The following CHST6 variants were observed in gnomAD, a reference collection of about 807,000 sequenced individuals.
The protein encoded by CHST6 is N-acetylglucosamine 6-O-sulfotransferase 5.
For missense variants in CHST6, 698 were observed against 586.2 expected, an observed-to-expected ratio of 1.19 and a Z score of -1.97; for synonymous variants, 309 against 276.4, an observed-to-expected ratio of 1.12 and a Z score of -1.17.
chr16:75,491,834 A>T (rs866410699), intron 1 of CHST6, among the ~76,000 whole-genome samples: 1 of 152,190 alleles, frequency 6.6e-6, no homozygotes, highest in Non-Finnish European at 1.5e-5. Context: ...CTGCAAAACC[A>T]TCTCCCAGCT....
rs4888432 is a variant in CHST6 at position 75,477,075 on chromosome 16, A to C, written c.*1566T>G. On this transcript the variant is annotated 3_prime_UTR_variant, in exon 3 of 3. Coordinates refer to ENST00000332272, the MANE Select transcript of CHST6 (RefSeq NM_021615.5). Reference sequence around the variant, plus strand: ...CCCACTCTTAAGGTATTTTGTTATAACCACCTGAACAAGAACAAAGACATT... The same window carrying C: ...CCCACTCTTAAGGTATTTTGTTATACCCACCTGAACAAGAACAAAGACATT... 77,803 of 151,952 alleles carry C rather than the reference A, an allele frequency of 0.51. 20,457 individuals are homozygous for C. Among genetic ancestry groups the C allele is most frequent in the Admixed American group, 0.64 (9,759 of 15,278 alleles). The allele number at this position is 151,952 out of a possible 1,614,324, so 9.4% of individuals were successfully genotyped here.
chr16:75,488,697 A>G lies in CHST6; in HGVS notation c.-92+6243T>C, dbSNP rs560113464. On this transcript the variant is annotated intron_variant, in intron 1 of 2. Transcript: ENST00000332272. ...CATAAAGCAGGGAACATAAAACATA[A>G]AACAGGCCAGGTGCGGTGGCTCATG... 4.6e-5 allele frequency among the ~76,000 whole-genome samples: 7 copies of G among 152,000 alleles called. 1 individual carries two copies. Among genetic ancestry groups the G allele is most frequent in the African/African-American group, 1.4e-4 (6 of 41,452 alleles).
chr16:75,494,764 G>A (rs891533197), intron 1 of CHST6, among the ~76,000 whole-genome samples, 176 bp downstream of exon 1: 1 of 152,210 alleles, frequency 6.6e-6, no homozygotes, highest in Non-Finnish European at 1.5e-5. Context: ...CCAAACCGGC[G>A]CCAACAGCGG....
Position 75,479,608 on chromosome 16 carries a change from C to A in CHST6, c.221G>T (p.Trp74Leu). ...CTGCGACAGGGTGGTCCACACGTGC[C>A]ACGCGGGCTCCATTAGGTAGAAGAC... ...PDVFYLMEPA[W>L]HVWTTLSQGS... The change falls in exon 3 of 3, where the codon TGG (tryptophan) becomes TTG (leucine). Residue 74 changes from tryptophan (W) to leucine (L), a missense_variant. Physicochemically the swap from Trp to Leu is moderately conservative, Grantham distance 61. Transcript: ENST00000332272. 3 of 1,612,872 alleles carry A rather than the reference C, an allele frequency of 1.9e-6. No homozygotes were observed. The highest frequency in any genetic ancestry group is 2.5e-6 in the Non-Finnish European group (3 of 1,179,836).
At position 75,478,646 on chromosome 16, in the gene CHST6, T is replaced by A; in HGVS notation, c.1183A>T (p.Asn395Tyr). ...WASSTASHPRN is the reference protein window; with the variant it reads ...WASSTASHPRY Reference sequence around the variant, plus strand: ...TGCTACAACTGTGGCCTCCACTAATTTCGGGGGTGCGAGGCGGTGGATGAT... The same window carrying A: ...TGCTACAACTGTGGCCTCCACTAATATCGGGGGTGCGAGGCGGTGGATGAT... The change falls in exon 3 of 3, where the codon AAT (asparagine) becomes TAT (tyrosine). Residue 395 changes from asparagine to tyrosine, a missense_variant. Coordinates refer to ENST00000332272, the MANE Select transcript of CHST6 (RefSeq NM_021615.5). 1.9e-6 allele frequency: 3 copies of A among 1,613,370 alleles called. No individual in the cohort carries two copies. Among genetic ancestry groups the A allele is most frequent in the Non-Finnish European group, 2.5e-6 (3 of 1,179,872 alleles).
chr16:75,488,883 G>A (rs562702746), intron 1 of CHST6, among the ~76,000 whole-genome samples: 21 of 151,468 alleles, frequency 1.4e-4, no homozygotes, highest in East Asian at 9.8e-4. Context: ...GTGAAACTTC[G>A]TCTCAAAGAA....
chr16:75,483,462 C>A (rs374617902), intron 1 of CHST6, among the ~76,000 whole-genome samples: 2 of 152,198 alleles, frequency 1.3e-5, no homozygotes, highest in Admixed American at 1.3e-4. Context: ...AATCATCCTA[C>A]GCCACAGAGT....
intron 1 of CHST6, among the ~76,000 whole-genome samples, chr16:75,491,209 AT>A (rs1280262490): frequency 2.7e-4 from 35 of 132,068 alleles, no homozygotes; most frequent in African/African-American, 8.5e-4. Context: ...ATATATATAT[AT>A]ATATATATAA....
intron 2 of CHST6, among the ~76,000 whole-genome samples, chr16:75,481,511 G>T (rs866602492): frequency 2.6e-5 from 4 of 151,740 alleles, no homozygotes; most frequent in African/African-American, 7.3e-5. Flanking sequence ...CGTGAAAATC[G>T]CTTGAACCCG....
At chr16:75,479,970 C>T in intron 2 of CHST6, 126 bp from the exon 3 acceptor site, 1 of 766,424 alleles carries the variant, frequency 1.3e-6, no homozygotes, top group Non-Finnish European at 2.1e-6. Context: ...ATGATGGTCT[C>T]AGTGGGGAGC....
At chr16:75,488,362 G>C (rs147571352) in intron 1 of CHST6, among the ~76,000 whole-genome samples, 399 of 152,116 alleles carry the variant, frequency 2.6e-3, no homozygotes, top group African/African-American at 9.2e-3. Context: ...AGCTACTCCA[G>C]AGGCTGAGGC....
chr16:75,473,799 T>C lies in CHST6; in HGVS notation c.*4842A>G, dbSNP rs1262858521. The C allele has an allele frequency of 1.3e-5, 2 of 152,242 alleles. No individual in the cohort carries two copies. The highest frequency in any genetic ancestry group is 4.8e-5 in the African/African-American group (2 of 41,472). The allele number at this position is 152,242 out of a possible 1,614,324, so 9.4% of individuals were successfully genotyped here. On this transcript the variant is annotated 3_prime_UTR_variant, in exon 3 of 3. Transcript: ENST00000332272. ...TTTATTGTATTTTTTAAAAATGCTGTGTAAGACAGTGTTCCAAGCCATCAC... is the reference window on the plus strand; with the variant it reads ...TTTATTGTATTTTTTAAAAATGCTGCGTAAGACAGTGTTCCAAGCCATCAC...
intron 1 of CHST6, among the ~76,000 whole-genome samples, chr16:75,491,190 A>AAAAATATATATATATAT (rs1206595857): frequency 4.0e-5 from 2 of 50,080 alleles, no homozygotes; most frequent in Non-Finnish European, 6.0e-5. Context: ...AAAAAAAAAA[A>AAAAATATATATATATAT]ATATATATAT....
At chr16:75,484,485 A>G (rs983480681) in intron 1 of CHST6, among the ~76,000 whole-genome samples, 4 of 152,178 alleles carry the variant, frequency 2.6e-5, no homozygotes, top group African/African-American at 9.7e-5. Context: ...CCCCCTTGAA[A>G]GTCTTCCCTT....
In CHST6 at chr16:75,478,399, A is replaced by C; in HGVS notation, c.*242T>G. On this transcript the variant is annotated 3_prime_UTR_variant, in exon 3 of 3. Transcript: ENST00000332272. Reference sequence around the variant, plus strand: ...ACGCACACCCTGTGCCCAGAGGAGGAGGGGCAAGAGTTGCTTTCCATGAAG... The same window carrying C: ...ACGCACACCCTGTGCCCAGAGGAGGCGGGGCAAGAGTTGCTTTCCATGAAG... 2.4e-6 allele frequency: 1 copy of C among 421,848 alleles called. No individual in the cohort carries two copies. The highest frequency in any genetic ancestry group is 2.2e-5 in the South Asian group (1 of 45,428). The allele number at this position is 421,848 out of a possible 1,614,324, so 26.1% of individuals were successfully genotyped here.
chr16:75,484,327 A>G (rs2080172810), intron 1 of CHST6, among the ~76,000 whole-genome samples: 1 of 152,060 alleles, frequency 6.6e-6, no homozygotes, highest in South Asian at 2.1e-4. Flanking sequence ...ACAGAGCGAG[A>G]CTCCGTCTCA....
intron 1 of CHST6, among the ~76,000 whole-genome samples, chr16:75,487,697 G>C (rs1248016353): frequency 1.3e-5 from 2 of 151,776 alleles, no homozygotes; most frequent in Non-Finnish European, 2.9e-5. Context: ...TACTCAGGAG[G>C]CTGAGGTGGG....
chr16:75,484,520 T>C (rs1246377397), intron 1 of CHST6, among the ~76,000 whole-genome samples: 1 of 152,126 alleles, frequency 6.6e-6, no homozygotes, highest in Non-Finnish European at 1.5e-5. Context: ...ATTTATTATA[T>C]GTTTACTTTT....
Position 75,473,215 on chromosome 16 carries a change from T to A in CHST6, c.*5426A>T, listed in dbSNP as rs1210376276. ...AGCTGGCCTCGCTCATATGTCTTTA[T>A]AGCTACTCTTCTCAAGTGGTGGACT... On this transcript the variant is annotated 3_prime_UTR_variant, in exon 3 of 3. Transcript: ENST00000332272. 6.6e-6 allele frequency: 1 copy of A among 152,342 alleles called. No homozygotes were observed. Among genetic ancestry groups the A allele is most frequent in the Non-Finnish European group, 1.5e-5 (1 of 68,088 alleles). The allele number at this position is 152,342 out of a possible 1,614,324, so 9.4% of individuals were successfully genotyped here.
Sources: gnomAD v4.1 joint callset for allele counts (sites outside exome capture counted in the v4.1 genomes callset) on GRCh38, gnomAD v4.1.1 for gene constraint, MANE v1.5 for transcripts, NCBI Gene and HGNC (gene_info 2026-07-23, HGNC 2026-07-21) for gene names.